Variants in MPPED2 observed in about 807,000 individuals in gnomAD.
MPPED2 encodes metallophosphoesterase MPPED2.
Under a neutral mutation model 33.0 loss-of-function variants are expected in MPPED2, and 5 were observed. The observed-to-expected ratio is 0.15, with a 90% confidence interval of 0.08 to 0.32. MPPED2 has a LOEUF of 0.32. MPPED2 is among the 10% of genes least tolerant of loss of function. MPPED2 has a pLI of 1.00. For missense variants in MPPED2, 275 were observed against 372.1 expected (o/e 0.74, Z 2.15); for synonymous variants, 136 against 141.9 (o/e 0.96, Z 0.29).
At chr11:30,449,945 C>T (rs1415175107) in intron 4 of MPPED2, among the ~76,000 whole-genome samples, 1 of 152,194 alleles carries the variant, frequency 6.6e-6, no homozygotes, top group Non-Finnish European at 1.5e-5. Context: ...AGTCATATCT[C>T]CACAATTTAC....
chr11:30,483,765 G>A (rs555819306), intron 4 of MPPED2, among the ~76,000 whole-genome samples: 14 of 152,028 alleles, frequency 9.2e-5, no homozygotes, highest in African/African-American at 2.9e-4. Context: ...GAACCATGGC[G>A]CTCCAAAGCT....
intron 4 of MPPED2, among the ~76,000 whole-genome samples, chr11:30,491,760 G>C (rs1159411244): frequency 6.6e-6 from 1 of 152,216 alleles, no homozygotes; most frequent in Non-Finnish European, 1.5e-5. Flanking sequence ...TCGATGTTCA[G>C]ATTATCAGTA....
intron 4 of MPPED2, among the ~76,000 whole-genome samples, chr11:30,424,413 G>T (rs565072397): frequency 6.6e-6 from 1 of 152,028 alleles, no homozygotes; most frequent in Admixed American, 6.6e-5. Flanking sequence ...AGCCGCCATC[G>T]GCCCCTCTCC....
At chr11:30,489,984 C>T (rs1022535391) in intron 4 of MPPED2, among the ~76,000 whole-genome samples, 13 of 151,938 alleles carry the variant, frequency 8.6e-5, no homozygotes, top group African/African-American at 2.9e-4. Flanking sequence ...GTAAGTTTAC[C>T]CCAAATTGCT....
In MPPED2 at chr11:30,410,442, G is replaced by A. The variant is rs893858299; in HGVS notation, c.*1026C>T. The A allele has an allele frequency of 4.1e-6, 4 of 971,000 alleles. No individual in the cohort carries two copies. The highest frequency in any genetic ancestry group is 4.9e-6 in the Non-Finnish European group (4 of 820,472). The allele number at this position is 971,000 out of a possible 1,614,324, so 60.1% of individuals were successfully genotyped here. A position where few individuals can be genotyped will look rare whatever the true frequency, so the allele number is the denominator to read the frequency against. ...TCGACACACAGTGCAAAATGGGAGA[G>A]GGGAGAGGAAGTAAGAAGACAACTT... On this transcript the variant is annotated 3_prime_UTR_variant, in exon 7 of 7. Transcript: ENST00000358117.
In MPPED2 at chr11:30,410,838, C is replaced by A; in HGVS notation, c.*630G>T. 1.5e-5 allele frequency: 15 copies of A among 985,738 alleles called. No individual in the cohort carries two copies. Among genetic ancestry groups the A allele is most frequent in the Non-Finnish European group, 1.7e-5 (14 of 829,876 alleles). 61.1% of individuals were successfully genotyped at this position (985,738 alleles called of 1,614,324 possible). A position where few individuals can be genotyped will look rare whatever the true frequency, so the allele number is the denominator to read the frequency against. On this transcript the variant is annotated 3_prime_UTR_variant, in exon 7 of 7. Coordinates refer to ENST00000358117, the MANE Select transcript of MPPED2 (RefSeq NM_001584.3). Reference sequence around the variant, plus strand: ...AAATAATTTAAAAGAAACAAACAAACAATGAGACCTTGTATAACCACAATA... The same window carrying A: ...AAATAATTTAAAAGAAACAAACAAAAAATGAGACCTTGTATAACCACAATA...
At chr11:30,514,809 A>T (rs1953432856) in intron 3 of MPPED2, among the ~76,000 whole-genome samples, 2 of 152,302 alleles carry the variant, frequency 1.3e-5, no homozygotes, top group South Asian at 4.1e-4. Flanking sequence ...GCACCATCCT[A>T]AAAAACTTTA....
intron 3 of MPPED2, among the ~76,000 whole-genome samples, chr11:30,501,807 T>C (rs1016807631): frequency 1.3e-5 from 2 of 152,218 alleles, no homozygotes; most frequent in Non-Finnish European, 2.9e-5. Flanking sequence ...TAGCAACTTA[T>C]GTCAAAGTCA....
chr11:30,564,736 T>C (rs559184729), intron 2 of MPPED2, among the ~76,000 whole-genome samples: 1 of 152,322 alleles, frequency 6.6e-6, no homozygotes, highest in East Asian at 1.9e-4. Flanking sequence ...CTCGACTACA[T>C]GTTCTTAATT....
intron 4 of MPPED2, among the ~76,000 whole-genome samples, chr11:30,485,617 A>G (rs537783854): frequency 1.8e-3 from 276 of 152,320 alleles, no homozygotes; most frequent in Non-Finnish European, 3.3e-3. Context: ...GCTATGCCCA[A>G]TGTGGGGAGC....
intron 1 of MPPED2, chr11:30,584,605 T>C (rs1400863382): frequency 1.3e-5 from 2 of 152,248 alleles, no homozygotes; most frequent in Non-Finnish European, 2.9e-5. Context: ...CTGGATTGAT[T>C]GATGACCACC....
At chr11:30,422,195 G>C (rs1291411505) in intron 4 of MPPED2, among the ~76,000 whole-genome samples, 1 of 152,176 alleles carries the variant, frequency 6.6e-6, no homozygotes, top group Non-Finnish European at 1.5e-5. Context: ...ATCTTACGCA[G>C]AAATGCAATG....
At chr11:30,513,014 G>GAA (rs71451189) in intron 3 of MPPED2, among the ~76,000 whole-genome samples, 14 of 139,684 alleles carry the variant, frequency 1.0e-4, no homozygotes, top group Non-Finnish European at 7.8e-5. Flanking sequence ...TGTCTCAAAA[G>GAA]AAAAAAAAAA....
intron 4 of MPPED2, among the ~76,000 whole-genome samples, chr11:30,483,187 T>C (rs1220096031): frequency 6.6e-6 from 1 of 152,320 alleles, no homozygotes; most frequent in African/African-American, 2.4e-5. Context: ...ATTTTTCTAC[T>C]TATTCTACTG....
exon 7 of MPPED2, chr11:30,386,570 AT>A (rs1947704647): frequency 2.5e-6 from 1 of 396,454 alleles, no homozygotes; most frequent in African/African-American, 2.1e-5. Context: ...GGATTCCTTT[AT>A]GGCAGCAAAA....
intron 3 of MPPED2, among the ~76,000 whole-genome samples, chr11:30,496,757 T>A (rs3781847): frequency 0.2 from 29,318 of 150,050 alleles, 3,247 homozygotes; most frequent in East Asian, 0.48. Flanking sequence ...GTCAGTCCAC[T>A]TGGATTTCAG....
chr11:30,407,731 C>G (rs1031825401), downstream of MPPED2, among the ~76,000 whole-genome samples: 2 of 152,070 alleles, frequency 1.3e-5, no homozygotes, highest in East Asian at 1.9e-4. Flanking sequence ...ATTAGCTGGG[C>G]GCGGTGGCAC....
intron 4 of MPPED2, among the ~76,000 whole-genome samples, chr11:30,418,538 C>T (rs1006349995): frequency 6.6e-6 from 1 of 152,174 alleles, no homozygotes; most frequent in Non-Finnish European, 1.5e-5. Flanking sequence ...CAGTGTTATC[C>T]TATTCCCAAA....
intron 4 of MPPED2, among the ~76,000 whole-genome samples, chr11:30,438,864 T>A (rs528641035): frequency 5.3e-5 from 8 of 152,336 alleles, no homozygotes; most frequent in African/African-American, 1.9e-4. Context: ...TTGGCTGTTA[T>A]CATGAAATCA....
Sources: allele counts gnomAD v4.1 joint callset (sites outside exome capture counted in the v4.1 genomes callset), GRCh38; gene constraint gnomAD v4.1.1; transcripts MANE v1.5; gene names NCBI Gene and HGNC (gene_info 2026-07-23, HGNC 2026-07-21).